The following JMJD1C variants were observed in gnomAD, a reference collection of about 807,000 sequenced individuals.
JMJD1C encodes jumonji domain-containing protein 1C.
A neutral mutation model predicts 245.3 loss-of-function variants in JMJD1C; 31 were observed. The observed-to-expected ratio is 0.13, with a 90% CI of 0.09 to 0.17. The LOEUF is 0.17. JMJD1C is among the 10% of genes least tolerant of loss of function. The pLI is 1.00. For missense variants in JMJD1C, 2,691 were observed against 3,000.2 expected, an observed-to-expected ratio of 0.90 and a Z score of 2.41; for synonymous variants, 1,057 against 1,017.4, an observed-to-expected ratio of 1.04 and a Z score of -0.74.
At chr10:63,341,626 G>A (rs1469280744) in intron 2 of JMJD1C, among the ~76,000 whole-genome samples, 6 of 152,192 alleles carry the variant, frequency 3.9e-5, no homozygotes, top group African/African-American at 1.4e-4. Context: ...CATGTTCACT[G>A]CAGAGAAGCT....
intron 2 of JMJD1C, among the ~76,000 whole-genome samples, chr10:63,306,186 C>T (rs2134018909): frequency 6.6e-6 from 1 of 152,174 alleles, no homozygotes; most frequent in East Asian, 1.9e-4. Context: ...GCCTCCCAGG[C>T]TCAAGCAGTT....
intron 1 of JMJD1C, among the ~76,000 whole-genome samples, chr10:63,479,020 CAAG>C (rs908348758): frequency 2.8e-4 from 43 of 152,160 alleles, no homozygotes; most frequent in African/African-American, 9.7e-4. Flanking sequence ...TTAATATAAG[CAAG>C]AATTGTTCTA....
intron 1 of JMJD1C, among the ~76,000 whole-genome samples, chr10:63,450,962 T>C (rs966500862): frequency 6.8e-5 from 10 of 147,766 alleles, no homozygotes; most frequent in Admixed American, 4.7e-4. Context: ...GATTCGGCAA[T>C]GTTGCAGTAT....
At chr10:63,228,162 C>T (rs187306340) in intron 3 of JMJD1C, among the ~76,000 whole-genome samples, 125 of 152,176 alleles carry the variant, frequency 8.2e-4, no homozygotes, top group Non-Finnish European at 1.4e-3. Context: ...ATGGGCCATA[C>T]CAGTTGTCAC....
chr10:63,465,726 C>A lies in JMJD1C; in HGVS notation c.-64G>T, dbSNP rs17850267. 1 of 1,570,670 alleles carries A rather than the reference C, an allele frequency of 6.4e-7. No individual in the cohort carries two copies. On this transcript the variant is annotated 5_prime_UTR_variant, in exon 1 of 26. The change creates a new upstream start codon in the 5' untranslated region. Transcript: ENST00000399262. ...CGAGGGAACCGATGAAACCTCACTC[C>A]TACCGGCCGCTCATGCTGAGGAGAG...
intron 3 of JMJD1C, among the ~76,000 whole-genome samples, chr10:63,232,098 A>C (rs1051469399): frequency 1.3e-5 from 2 of 152,138 alleles, no homozygotes; most frequent in African/African-American, 4.8e-5. Context: ...TCGGCCTCCC[A>C]AAGTGTTGGA....
At chr10:63,282,011 T>C (rs1857464161) in intron 2 of JMJD1C, among the ~76,000 whole-genome samples, 2 of 152,312 alleles carry the variant, frequency 1.3e-5, no homozygotes, top group African/African-American at 4.8e-5. Context: ...CTGACCTTTT[T>C]TGGTCAAAAG....
At chr10:63,416,313 CA>C (rs1208861574) in intron 1 of JMJD1C, among the ~76,000 whole-genome samples, 1 of 149,394 alleles carries the variant, frequency 6.7e-6, no homozygotes, top group Non-Finnish European at 1.5e-5. Flanking sequence ...CAAAGTAACA[CA>C]TAATTCACAA....
At chr10:63,458,691 A>G (rs892371415) in intron 1 of JMJD1C, among the ~76,000 whole-genome samples, 1 of 149,886 alleles carries the variant, frequency 6.7e-6, no homozygotes, top group African/African-American at 2.5e-5. Context: ...AGTTTATTGG[A>G]TTTTTATAAA....
chr10:63,397,486 T>G lies in JMJD1C; in HGVS notation c.169-17004A>C, dbSNP rs998895426. On this transcript the variant is annotated intron_variant, in intron 1 of 25. Transcript: ENST00000399262. ...CCTCGGCCTCCCAAAGTGTTGGGAT[T>G]ACAGGTGTGAGCCACTGTGCCTGGC... 4.6e-5 allele frequency among the ~76,000 whole-genome samples: 7 copies of G among 152,170 alleles called. 1 individual carries two copies. Among genetic ancestry groups the G allele is most frequent in the African/African-American group, 1.7e-4 (7 of 41,438 alleles).
chr10:63,363,937 C>A (rs1446633750), intron 2 of JMJD1C, among the ~76,000 whole-genome samples: 1 of 151,168 alleles, frequency 6.6e-6, no homozygotes, highest in Non-Finnish European at 1.5e-5. Context: ...CTCACTACAG[C>A]CTCCACCTCC....
intron 3 of JMJD1C, chr10:63,223,088 T>C (rs1209293565): frequency 9.2e-6 from 8 of 865,872 alleles, no homozygotes; most frequent in Non-Finnish European, 1.4e-5. Flanking sequence ...TATGTAAAAT[T>C]TCATAGTAAA....
chr10:63,425,513 G>C (rs1051371060), intron 1 of JMJD1C, among the ~76,000 whole-genome samples: 20 of 152,130 alleles, frequency 1.3e-4, no homozygotes, highest in African/African-American at 4.8e-4. Flanking sequence ...TGGGCGCAGT[G>C]GCTCATGTCT....
intron 1 of JMJD1C, among the ~76,000 whole-genome samples, chr10:63,405,056 T>C (rs183083770): frequency 1.4e-4 from 21 of 152,324 alleles, no homozygotes; most frequent in Admixed American, 6.5e-4. Flanking sequence ...AGGATAAATA[T>C]GTGAATAGCA....
chr10:63,311,805 A>G (rs184045834), intron 2 of JMJD1C, among the ~76,000 whole-genome samples: 6 of 152,326 alleles, frequency 3.9e-5, no homozygotes, highest in Admixed American at 3.3e-4. Context: ...TGGATTAAAA[A>G]GAAGTACAAG....
intron 22 of JMJD1C, among the ~76,000 whole-genome samples, chr10:63,178,980 A>G (rs1843147545): frequency 6.6e-6 from 1 of 152,194 alleles, no homozygotes; most frequent in Non-Finnish European, 1.5e-5. Flanking sequence ...GCTTTTAGTT[A>G]TCATCACCTG....
intron 3 of JMJD1C, among the ~76,000 whole-genome samples, chr10:63,243,126 A>ATATATATATATATATATATATATAT (rs1564669004): frequency 2.8e-4 from 12 of 43,042 alleles, no homozygotes; most frequent in Admixed American, 5.2e-4. Context: ...TATATATATA[A>ATATATATATATATATATATATATAT]ATATATATAT....
At chr10:63,238,596 A>AT (rs1851075239) in intron 3 of JMJD1C, among the ~76,000 whole-genome samples, 2 of 152,224 alleles carry the variant, frequency 1.3e-5, no homozygotes, top group South Asian at 4.1e-4. Context: ...TGTAACCTCT[A>AT]TAACAAATTG....
intron 1 of JMJD1C, among the ~76,000 whole-genome samples, chr10:63,448,583 C>A (rs565207006): frequency 6.6e-6 from 1 of 152,218 alleles, no homozygotes; most frequent in South Asian, 2.1e-4. Context: ...AACATTAGAA[C>A]CTGAAGGAAA....
Sources: allele counts gnomAD v4.1 joint callset (sites outside exome capture counted in the v4.1 genomes callset), GRCh38; gene constraint gnomAD v4.1.1; transcripts MANE v1.5; gene names NCBI Gene and HGNC (gene_info 2026-07-23, HGNC 2026-07-21).